Variants in DIXDC1 observed in about 807,000 individuals in gnomAD.
DIXDC1 encodes the protein dixin.
In DIXDC1, 64 loss-of-function variants were observed where a neutral mutation model predicts 103.1. The observed-to-expected ratio is 0.62, with a 90% CI of 0.51 to 0.76. The LOEUF is 0.76. Ranked by LOEUF, DIXDC1 falls within the 30% of genes least tolerant of loss-of-function variation. DIXDC1 has a pLI of 0.00. For missense variants in DIXDC1, 759 were observed against 834.2 expected, an observed-to-expected ratio of 0.91 and a Z score of 1.11; for synonymous variants, 266 against 298.5, an observed-to-expected ratio of 0.89 and a Z score of 1.12.
At chr11:112,008,896 A>G (rs1345893910) in intron 17 of DIXDC1, among the ~76,000 whole-genome samples, 1 of 152,224 alleles carries the variant, frequency 6.6e-6, no homozygotes, top group African/African-American at 2.4e-5. Flanking sequence ...AATTAAAAGA[A>G]ATCGAGAATC....
At chr11:111,960,628 A>G (rs966935136) in intron 1 of DIXDC1, among the ~76,000 whole-genome samples, 2 of 151,990 alleles carry the variant, frequency 1.3e-5, no homozygotes, top group Non-Finnish European at 1.5e-5. Flanking sequence ...AAAGAAAAAC[A>G]GTAATACTTT....
At chr11:111,927,788 G>A (rs587748764) in intron 1 of DIXDC1, among the ~76,000 whole-genome samples, 1 of 151,986 alleles carries the variant, frequency 6.6e-6, no homozygotes, top group African/African-American at 2.4e-5. Context: ...AGGCTGAGGC[G>A]GGCGGATCAC....
At position 111,988,923 on chromosome 11, in the gene DIXDC1, G is replaced by A. The variant is rs146727344; in HGVS notation, c.1063-82G>A. 876 of 1,228,750 alleles carry A rather than the reference G, an allele frequency of 7.1e-4. 23 individuals carry two copies. The East Asian group carries it at 0.022, about 30-fold the overall frequency. 76.1% of individuals were successfully genotyped at this position (1,228,750 alleles called of 1,614,324 possible). A position where few individuals can be genotyped will look rare whatever the true frequency, so the allele number is the denominator to read the frequency against. On this transcript the variant is annotated intron_variant, in intron 9 of 19. Transcript: ENST00000440460. ...TTCACGGAATGATCAACTGGGTTTT[G>A]TCCTCTTGCCGACAGAATGAGGTAA...
intron 3 of DIXDC1, 92 bp from the exon 4 acceptor site, chr11:111,973,931 A>G: frequency 8.1e-7 from 1 of 1,229,070 alleles, no homozygotes; most frequent in Non-Finnish European, 1.1e-6. Flanking sequence ...CTGTATCACT[A>G]GCAATATGTA....
chr11:112,004,095 T>C (rs1555176331), intron 17 of DIXDC1, among the ~76,000 whole-genome samples: 1 of 149,282 alleles, frequency 6.7e-6, no homozygotes, highest in African/African-American at 2.5e-5. Context: ...TATGTGTATA[T>C]ATATGTGTGT....
At chr11:112,015,672 C>T (rs1861561552) in intron 17 of DIXDC1, 1 of 151,358 alleles carries the variant, frequency 6.6e-6, no homozygotes, top group Non-Finnish European at 1.5e-5. Flanking sequence ...CGTGGTGGCA[C>T]ACACCTGTTA....
At chr11:111,985,361 G>C in intron 8 of DIXDC1, 40 bp downstream of exon 8, 1 of 1,512,326 alleles carries the variant, frequency 6.6e-7, no homozygotes, top group East Asian at 2.3e-5. Flanking sequence ...AAATCTGTAT[G>C]TATTTTACTT....
At chr11:111,975,122 G>C in intron 5 of DIXDC1, 139 bp downstream of exon 5, 1 of 1,467,658 alleles carries the variant, frequency 6.8e-7, no homozygotes, top group South Asian at 1.3e-5. Context: ...ATACCCCTTA[G>C]CAGTGCTTTG....
At position 111,984,953 on chromosome 11, in the gene DIXDC1, G is replaced by GA. The variant is rs143380503; in HGVS notation, c.919-272dup. On this transcript the variant is annotated intron_variant, in intron 7 of 19. Coordinates refer to ENST00000440460, the MANE Select transcript of DIXDC1 (RefSeq NM_001037954.4). ...GTTTGAAATGTGTTGTGTCTCTTTTGAAAAAAAGGTTTGTTTTTAGATTTT... is the reference window on the plus strand; with the variant it reads ...GTTTGAAATGTGTTGTGTCTCTTTTGAAAAAAAAGGTTTGTTTTTAGATTTT... Among the ~76,000 whole-genome samples, 1,040 of 152,056 alleles carry GA rather than the reference G, an allele frequency of 6.8e-3. 5 individuals are homozygous for GA. The highest frequency in any genetic ancestry group is 0.051 in the Middle Eastern group (15 of 294).
intron 14 of DIXDC1, 66 bp from the exon 15 acceptor site, chr11:111,994,953 A>C (rs957810949): frequency 9.7e-6 from 14 of 1,446,002 alleles, no homozygotes; most frequent in Non-Finnish European, 1.2e-5. Flanking sequence ...AAAGAAGAAA[A>C]ATAAGATAGC....
At chr11:112,008,274 T>G (rs1555176861) in intron 17 of DIXDC1, among the ~76,000 whole-genome samples, 1 of 152,106 alleles carries the variant, frequency 6.6e-6, no homozygotes. Flanking sequence ...CTATCCTAAA[T>G]TTATATGCAC....
intron 1 of DIXDC1, among the ~76,000 whole-genome samples, chr11:111,946,527 T>A (rs1237914407): frequency 6.6e-6 from 1 of 152,076 alleles, no homozygotes; most frequent in Non-Finnish European, 1.5e-5. Context: ...CCTGGTCAGT[T>A]TTTTTGTATT....
chr11:111,947,633 T>C (rs1482140021), intron 1 of DIXDC1, among the ~76,000 whole-genome samples: 4 of 152,110 alleles, frequency 2.6e-5, no homozygotes, highest in Admixed American at 2.6e-4. Flanking sequence ...TTAGTGCTTG[T>C]CTCCCTAAAT....
At position 111,958,852 on chromosome 11, in the gene DIXDC1, G is replaced by A. The variant is rs1287541987; in HGVS notation, c.61-5697G>A. On this transcript the variant is annotated intron_variant, in intron 1 of 19. Transcript: ENST00000440460. The surrounding 1 kb of genome is among the most constrained non-coding windows in gnomAD (Gnocchi z 4.2). Reference sequence around the variant, plus strand: ...ACTCAACCAGACTTGGAAAATGATGGGACGACCTGCCTGCGGAGAGGAGCT... The same window carrying A: ...ACTCAACCAGACTTGGAAAATGATGAGACGACCTGCCTGCGGAGAGGAGCT... Among the ~76,000 whole-genome samples, 1 of 152,164 alleles carries A rather than the reference G, an allele frequency of 6.6e-6. No individual in the cohort carries two copies. The highest frequency in any genetic ancestry group is 6.5e-5 in the Admixed American group (1 of 15,280).
chr11:111,938,735 T>C (rs1555168519), intron 1 of DIXDC1, among the ~76,000 whole-genome samples: 1 of 152,190 alleles, frequency 6.6e-6, no homozygotes, highest in Non-Finnish European at 1.5e-5. Flanking sequence ...AACCCTCCCC[T>C]GGTCTGGCCC....
intron 17 of DIXDC1, among the ~76,000 whole-genome samples, chr11:112,003,070 T>C (rs1861118124): frequency 6.6e-6 from 1 of 152,022 alleles, no homozygotes; most frequent in Non-Finnish European, 1.5e-5. Context: ...AGTTGATTGG[T>C]GGTAACCAGA....
At chr11:111,995,713 G>A (rs1860875863) in intron 16 of DIXDC1, 149 bp downstream of exon 16, 4 of 1,010,432 alleles carry the variant, frequency 4.0e-6, no homozygotes, top group Middle Eastern at 3.1e-4. Context: ...TCTCTCAGTG[G>A]AACTGACTAT....
intron 6 of DIXDC1, among the ~76,000 whole-genome samples, 173 bp downstream of exon 6, chr11:111,981,022 G>T (rs782463917): frequency 6.6e-6 from 1 of 152,212 alleles, no homozygotes; most frequent in Non-Finnish European, 1.5e-5. Flanking sequence ...TTATCCTCTT[G>T]CAGAATGCCA....
intron 1 of DIXDC1, among the ~76,000 whole-genome samples, chr11:111,942,444 C>G (rs1555168957): frequency 6.6e-6 from 1 of 152,198 alleles, no homozygotes; most frequent in Non-Finnish European, 1.5e-5. Flanking sequence ...GTTATTCCCC[C>G]AAACCAAGCT....
Sources: allele counts gnomAD v4.1 joint callset (sites outside exome capture counted in the v4.1 genomes callset), GRCh38; gene constraint gnomAD v4.1.1; non-coding constraint Gnocchi (gnomAD v3.1); transcripts MANE v1.5; gene names NCBI Gene and HGNC (gene_info 2026-07-23, HGNC 2026-07-21).